The following ACTN1 variants were observed in gnomAD, a reference collection of about 807,000 sequenced individuals.
ACTN1 encodes alpha-actinin-1.
In ACTN1, 30 loss-of-function variants were observed where a neutral mutation model predicts 119.6. That is an observed-to-expected ratio of 0.25 (90% CI 0.19 to 0.34). The LOEUF (loss-of-function observed/expected upper bound fraction) is 0.34, where lower values mean the gene tolerates loss of function less well. Among genes scored for constraint, ACTN1 ranks in the 10% least tolerant of loss-of-function variants. The pLI, the probability that ACTN1 is intolerant of heterozygous loss-of-function variation, is 1.00. For synonymous variants in ACTN1, 429 were observed against 472.6 expected (o/e 0.91, Z 1.20); for missense variants, 764 against 1,223.4 (o/e 0.62, Z 5.60).
chr14:68,902,411 G>A (rs1304251830), intron 8 of ACTN1, 66 bp downstream of exon 8: 7 of 1,364,748 alleles, frequency 5.1e-6, no homozygotes, highest in Non-Finnish European at 7.3e-6. Flanking sequence ...AGGCGGGCAG[G>A]AGGACATGGT....
At chr14:68,950,392 T>C (rs2036099299) in intron 1 of ACTN1, among the ~76,000 whole-genome samples, 1 of 150,606 alleles carries the variant, frequency 6.6e-6, no homozygotes, top group South Asian at 2.1e-4. Flanking sequence ...GAACTGTACG[T>C]ACACTTCAAA....
intron 1 of ACTN1, among the ~76,000 whole-genome samples, chr14:68,956,712 T>C (rs145643005): frequency 3.4e-4 from 51 of 152,238 alleles, no homozygotes; most frequent in African/African-American, 1.1e-3. Flanking sequence ...AGGCCCCTCA[T>C]TGCATGACCC....
chr14:68,975,397 T>TGGGG (rs1266094753), intron 1 of ACTN1, among the ~76,000 whole-genome samples: 1 of 152,224 alleles, frequency 6.6e-6, no homozygotes, highest in Non-Finnish European at 1.5e-5. Flanking sequence ...CCATTTTACA[T>TGGGG]ATCTGCTCGC....
chr14:68,978,283 C>T (rs1288802848), intron 1 of ACTN1: 1 of 452,180 alleles, frequency 2.2e-6, no homozygotes, highest in South Asian at 1.6e-5. Flanking sequence ...TTCCAACCCA[C>T]TGAGTTAAGC....
intron 11 of ACTN1, 133 bp downstream of exon 11, chr14:68,890,006 C>T: frequency 2.2e-6 from 3 of 1,368,202 alleles, no homozygotes; most frequent in Admixed American, 2.7e-5. Flanking sequence ...AATGAACTTG[C>T]CTAAAGCCAT....
At chr14:68,957,776 C>T (rs1566673093) in intron 1 of ACTN1, among the ~76,000 whole-genome samples, 1 of 152,002 alleles carries the variant, frequency 6.6e-6, no homozygotes, top group Non-Finnish European at 1.5e-5. Flanking sequence ...GGTCTCCCTG[C>T]CCTGGAAGCT....
intron 2 of ACTN1, among the ~76,000 whole-genome samples, chr14:68,921,708 C>T (rs2034662355): frequency 6.6e-6 from 1 of 152,148 alleles, no homozygotes; most frequent in Admixed American, 6.5e-5. Flanking sequence ...CTTCCCTTTG[C>T]CCTGGGAGGA....
chr14:68,927,397 T>A (rs1300562544), intron 1 of ACTN1, among the ~76,000 whole-genome samples: 1 of 152,144 alleles, frequency 6.6e-6, no homozygotes, highest in African/African-American at 2.4e-5. Flanking sequence ...CACCTTTATA[T>A]CCCAGAGACC....
At chr14:68,892,010 A>C (rs2032525743) in intron 10 of ACTN1, 43 bp downstream of exon 10, 1 of 1,604,162 alleles carries the variant, frequency 6.2e-7, no homozygotes, top group African/African-American at 1.3e-5. Flanking sequence ...TCAGAGGTGG[A>C]GGCAGTCCAG....
At chr14:68,921,200 C>T (rs2034626208) in intron 2 of ACTN1, 75 bp from the exon 3 acceptor site, 1 of 1,568,254 alleles carries the variant, frequency 6.4e-7, no homozygotes, top group Non-Finnish European at 8.7e-7. Context: ...CCACTACACC[C>T]TCATCCAAAG....
At position 68,879,275 on chromosome 14, in the gene ACTN1, A is replaced by G. The variant is rs2031264841; in HGVS notation, c.2281-206T>C. Among the ~76,000 whole-genome samples, 1 of 152,036 alleles carries G rather than the reference A, an allele frequency of 6.6e-6. No individual in the cohort carries two copies. The highest frequency in any genetic ancestry group is 2.4e-5 in the African/African-American group (1 of 41,392). On this transcript the variant is annotated intron_variant, in intron 18 of 21. Transcript: ENST00000394419. This position sits in a 1 kb window ranked among gnomAD's most constrained non-coding sequence, Gnocchi z 4.9. ...AGGCTCCAGGGGGTGCCCTCCCCCC[A>G]GCACACGCAGCCCTGCTCCAGGGAG...
At chr14:68,902,306 G>A (rs564980258) in intron 8 of ACTN1, among the ~76,000 whole-genome samples, 171 bp downstream of exon 8, 3 of 152,294 alleles carry the variant, frequency 2.0e-5, no homozygotes, top group South Asian at 4.1e-4. Flanking sequence ...GGGGTGGGAC[G>A]GGAGCCAGGT....
rs1185094949 is a variant in ACTN1, at chr14:68,891,959, G to GCA, written c.1086+92_1086+93dup. 18 of 1,461,582 alleles carry GCA rather than the reference G, an allele frequency of 1.2e-5. No individual in the cohort carries two copies. The East Asian group carries it at 4.2e-4, about 34-fold the overall frequency. The allele number at this position is 1,461,582 out of a possible 1,614,324, so 90.5% of individuals were successfully genotyped here. A position where few individuals can be genotyped will look rare whatever the true frequency, so the allele number is the denominator to read the frequency against. On this transcript the variant is annotated intron_variant, in intron 10 of 21. Coordinates refer to ENST00000394419, the MANE Select transcript of ACTN1 (RefSeq NM_001130004.2). ...TAGGTAGAAGCAAACACGCCCATCC[G>GCA]CACCCCCATAAAGCTGAATTTGACC...
At chr14:68,956,447 A>G (rs2268974) in intron 1 of ACTN1, among the ~76,000 whole-genome samples, 49,914 of 152,106 alleles carry the variant, frequency 0.33, 9,126 homozygotes, top group African/African-American at 0.51. Context: ...CTAAAAATTA[A>G]GTAGGGCGCT....
At position 68,892,283 on chromosome 14, in the gene ACTN1, GC is replaced by G; in HGVS notation, c.856-1del. The G allele has an allele frequency of 6.2e-7, 1 of 1,610,106 alleles. No individual in the cohort carries two copies. The highest frequency in any genetic ancestry group is 8.5e-7 in the Non-Finnish European group (1 of 1,177,220). The stretch of plus-strand genomic sequence containing the variant: ...ATTGTGCGGCGGATCCACTCCAACA[GC>G]TAGGGTGGGAAGGCGGTGGGGGCAG... On this transcript the variant is annotated splice_acceptor_variant, in intron 9 of 21. Transcript: ENST00000394419. LOFTEE classifies it high-confidence loss of function.
intron 10 of ACTN1, among the ~76,000 whole-genome samples, chr14:68,891,090 C>T (rs1444926218): frequency 6.6e-6 from 1 of 152,208 alleles, no homozygotes; most frequent in Non-Finnish European, 1.5e-5. Context: ...TACCCACTTG[C>T]AATGTATTCT....
Position 68,885,446 on chromosome 14 carries a change from G to A in ACTN1, c.1364C>T (p.Ala455Val), listed in dbSNP as rs1566597330. ...CTACTTGAGCTCCTGTGCGATGGCGGCAATCTGCTCCACACGGTCCTGGTG... is the reference window on the plus strand; with the variant it reads ...CTACTTGAGCTCCTGTGCGATGGCGACAATCTGCTCCACACGGTCCTGGTG... Reference protein sequence around the residue: ...AAHQDRVEQIAAIAQELNELD... With the variant: ...AAHQDRVEQIVAIAQELNELD... Residue 455 changes from alanine (A) to valine (V), a missense_variant, in exon 12 of 22, where the codon GCC (alanine) becomes GTC (valine). Physicochemically the swap from Ala to Val is moderately conservative, Grantham distance 64. This residue lies in a region of ACTN1 where 544 missense variants were observed against 912.0 expected (regional missense o/e 0.60). Coordinates refer to ENST00000394419, the MANE Select transcript of ACTN1 (RefSeq NM_001130004.2). This position sits in a 1 kb window ranked among gnomAD's most constrained non-coding sequence, Gnocchi z 5.6. 5 of 1,612,566 alleles carry A rather than the reference G, an allele frequency of 3.1e-6. No individual in the cohort carries two copies. Among genetic ancestry groups the A allele is most frequent in the Non-Finnish European group, 4.2e-6 (5 of 1,178,982 alleles).
Position 68,978,952 on chromosome 14 carries a change from C to G in ACTN1, c.105G>C (p.Lys35Asn). 6.4e-7 allele frequency: 1 copy of G among 1,564,636 alleles called. No individual in the cohort carries two copies. Among genetic ancestry groups the G allele is most frequent in the Non-Finnish European group, 8.7e-7 (1 of 1,147,292 alleles). ...GCAGCGGGCGGGGGCGGCTGCTAAC[C>G]TTTCTCTGCTGCTTCTCCCAGGCCG... ...LDPAWEKQQR[K>N]TFTAWCNSHL... Residue 35 changes from lysine (K) to asparagine (N), a missense_variant and splice_region_variant, in exon 1 of 22, where the codon AAG becomes AAC. This residue lies in a region of ACTN1 where 64 missense variants were observed against 80.0 expected (regional missense o/e 0.80). Transcript: ENST00000394419.
chr14:68,926,279 T>C (rs1270615152), intron 1 of ACTN1, among the ~76,000 whole-genome samples: 2 of 152,244 alleles, frequency 1.3e-5, no homozygotes, highest in African/African-American at 2.4e-5. Flanking sequence ...TGCAAAAGCA[T>C]GAAGAGTTCC....
Sources: allele counts gnomAD v4.1 joint callset (sites outside exome capture counted in the v4.1 genomes callset), GRCh38; gene constraint gnomAD v4.1.1; regional missense constraint gnomAD v4.1.1; non-coding constraint Gnocchi (gnomAD v3.1); transcripts MANE v1.5; gene names NCBI Gene and HGNC (gene_info 2026-07-23, HGNC 2026-07-21).